Variants in AAMDC observed in about 807,000 individuals in gnomAD.
The protein encoded by AAMDC is adipogenesis associated Mth938 domain containing, also known as mth938 domain-containing protein.
Under a neutral mutation model 15.5 loss-of-function variants are expected in AAMDC, and 16 were observed. The observed-to-expected ratio is 1.03, with a 90% CI of 0.70 to 1.57. The LOEUF is 1.57. AAMDC is among the 40% of genes most tolerant of loss of function. AAMDC has a pLI of 0.00. For synonymous variants in AAMDC, 51 were observed against 51.6 expected (o/e 0.99, Z 0.05); for missense variants, 141 against 144.9 (o/e 0.97, Z 0.14).
chr11:77,897,844 T>C (rs946698063), intron 5 of AAMDC, among the ~76,000 whole-genome samples: 11 of 152,038 alleles, frequency 7.2e-5, no homozygotes, highest in African/African-American at 1.9e-4. Flanking sequence ...GGTCTTGTTC[T>C]GTTGCCCAAG....
chr11:77,886,382 A>G (rs2136372034), intron 5 of AAMDC, among the ~76,000 whole-genome samples: 1 of 152,306 alleles, frequency 6.6e-6, no homozygotes, highest in South Asian at 2.1e-4. Flanking sequence ...ATGAATGATC[A>G]TCAGGTAGAA....
rs1951333556 is a variant in AAMDC at position 77,869,921 on chromosome 11, A to G, written c.228+104A>G. ...GGGAGGTCATCTTTATATATCATGT[A>G]CCCTCATTTTGCTGACCCAGGATAG... On this transcript the variant is annotated intron_variant, in intron 3 of 3. Coordinates refer to ENST00000393427, the MANE Select transcript of AAMDC (RefSeq NM_024684.4). 52 of 1,099,520 alleles carry G rather than the reference A, an allele frequency of 4.7e-5. 3 individuals are homozygous for G. The South Asian group carries it at 6.5e-4, about 14-fold the overall frequency. The allele number at this position is 1,099,520 out of a possible 1,614,324, so 68.1% of individuals were successfully genotyped here.
chr11:77,823,003 C>G (rs2136017359), intron 1 of AAMDC, among the ~76,000 whole-genome samples: 1 of 152,156 alleles, frequency 6.6e-6, no homozygotes, highest in Middle Eastern at 3.4e-3. Context: ...GTCACGAGGT[C>G]AGGAGATCAA....
intron 5 of AAMDC, chr11:77,879,085 G>C: frequency 1.2e-6 from 2 of 1,614,152 alleles, no homozygotes; most frequent in Non-Finnish European, 8.5e-7. Flanking sequence ...GCGAGCACTG[G>C]AGTTGTAGGC....
chr11:77,838,214 TA>T (rs200925213), intron 1 of AAMDC, among the ~76,000 whole-genome samples: 26,737 of 152,206 alleles, frequency 0.18, 2,819 homozygotes, highest in Non-Finnish European at 0.24. Context: ...TGACAAGATG[TA>T]GACTGTGACT....
intron 5 of AAMDC, chr11:77,883,931 C>A: frequency 6.2e-7 from 1 of 1,613,142 alleles, no homozygotes. Context: ...ATCATCTGAG[C>A]CTGGCCATCT....
chr11:77,891,195 A>T (rs1952246490), intron 5 of AAMDC: 1 of 847,344 alleles, frequency 1.2e-6, no homozygotes, highest in South Asian at 1.9e-5. Flanking sequence ...TCTTTCCCAC[A>T]GAGGCTCATT....
intron 5 of AAMDC, among the ~76,000 whole-genome samples, chr11:77,898,624 C>A (rs1236300596): frequency 6.6e-6 from 1 of 152,168 alleles, no homozygotes; most frequent in East Asian, 1.9e-4. Context: ...TCAATATGTT[C>A]ATTAAAAATA....
At chr11:77,885,198 C>T (rs1207831373) in intron 5 of AAMDC, among the ~76,000 whole-genome samples, 4 of 152,150 alleles carry the variant, frequency 2.6e-5, no homozygotes, top group Admixed American at 2.6e-4. Context: ...CTGCCTCAGC[C>T]TCCCAAGTAG....
Position 77,833,490 on chromosome 11 carries a change from C to T in AAMDC, c.-18-8989C>T, listed in dbSNP as rs531096618. On this transcript the variant is annotated intron_variant, in intron 1 of 3. Transcript: ENST00000393427. ...TGCTGATGTGTCAGGAGGTAGAGCT[C>T]GGGCAGTAATGTGAGCCACAGGAAG... 4.6e-4 allele frequency among the ~76,000 whole-genome samples: 70 copies of T among 152,174 alleles called. 1 individual carries two copies. In the South Asian group the frequency reaches 8.1e-3, roughly 18 times the overall value.
chr11:77,842,662 G>C, intron 2 of AAMDC, 34 bp downstream of exon 2: 1 of 1,604,108 alleles, frequency 6.2e-7, no homozygotes, highest in Non-Finnish European at 8.5e-7. Flanking sequence ...TACTACATGA[G>C]GCTGACCAAG....
At chr11:77,879,130 G>GA (rs777902160) in intron 5 of AAMDC, 7 of 1,610,590 alleles carry the variant, frequency 4.3e-6, no homozygotes, top group African/African-American at 2.7e-5. Context: ...GCATGCCTCT[G>GA]AAAAAAAGAT....
chr11:77,828,484 G>T (rs1379176093), intron 1 of AAMDC, among the ~76,000 whole-genome samples: 1 of 151,920 alleles, frequency 6.6e-6, no homozygotes, highest in East Asian at 1.9e-4. Context: ...TGGCTAACAT[G>T]GTGAAACCCC....
intron 2 of AAMDC, among the ~76,000 whole-genome samples, chr11:77,853,615 G>A (rs1347609721): frequency 1.3e-5 from 2 of 151,998 alleles, no homozygotes; most frequent in Non-Finnish European, 2.9e-5. Flanking sequence ...TCTGCATCTG[G>A]CCCCTCCCAA....
downstream of AAMDC, among the ~76,000 whole-genome samples, chr11:77,903,065 C>T (rs181223060): frequency 2.3e-3 from 351 of 152,252 alleles, 6 homozygotes; most frequent in Admixed American, 0.02. Flanking sequence ...CCACCGCGCC[C>T]GGCCCAACTG....
chr11:77,892,969 C>T (rs535838460), intron 5 of AAMDC, among the ~76,000 whole-genome samples: 3 of 152,262 alleles, frequency 2.0e-5, no homozygotes, highest in South Asian at 4.1e-4. Context: ...TGCAACTCAG[C>T]CCTGTAAGAA....
chr11:77,856,131 A>G (rs1346865705), intron 2 of AAMDC, among the ~76,000 whole-genome samples: 1 of 152,132 alleles, frequency 6.6e-6, no homozygotes, highest in Non-Finnish European at 1.5e-5. Context: ...AAAAAGAAGA[A>G]AGGTCTTCCA....
intron 5 of AAMDC, among the ~76,000 whole-genome samples, chr11:77,886,042 C>A (rs915014907): frequency 5.3e-5 from 8 of 151,402 alleles, no homozygotes; most frequent in African/African-American, 1.9e-4. Context: ...AATCTCCACA[C>A]AAAAAAAATT....
intron 5 of AAMDC, among the ~76,000 whole-genome samples, chr11:77,883,529 G>A (rs1951873748): frequency 6.6e-6 from 1 of 152,126 alleles, no homozygotes; most frequent in South Asian, 2.1e-4. Flanking sequence ...TGGCAGTTAG[G>A]ATAAGAATAA....
Sources: allele counts gnomAD v4.1 joint callset (sites outside exome capture counted in the v4.1 genomes callset), GRCh38; gene constraint gnomAD v4.1.1; transcripts MANE v1.5; gene names NCBI Gene and HGNC (gene_info 2026-07-23, HGNC 2026-07-21).